SLC6A17: variants seen among roughly 807,000 people sequenced by gnomAD.
The protein encoded by SLC6A17 is solute carrier family 6 member 17.
SLC6A17 carries 21 observed loss-of-function variants against 64.5 expected under a neutral mutation model. The ratio of observed to expected loss-of-function variants is 0.33; its 90% CI spans 0.23 to 0.47. The LOEUF (loss-of-function observed/expected upper bound fraction) is 0.47. SLC6A17 is among the 20% of genes least tolerant of loss of function. The pLI, the probability that SLC6A17 is intolerant of heterozygous loss-of-function variation, is 1.00. For synonymous variants in SLC6A17, 372 were observed against 399.5 expected (o/e 0.93, Z 0.82); for missense variants, 682 against 963.2 (o/e 0.71, Z 3.86).
chr1:110,171,350 G>T (rs945563936), intron 2 of SLC6A17, among the ~76,000 whole-genome samples: 4 of 152,206 alleles, frequency 2.6e-5, no homozygotes, highest in Non-Finnish European at 4.4e-5. Flanking sequence ...CTGTCACTTG[G>T]AATTGAGATT....
rs1027821695 is a variant in SLC6A17, at chr1:110,201,192, C to T, written c.*2748C>T. ...GATCTCATAGCACTGCTGCATTTGC[C>T]GTTGACGCAGTCCTGACAGTGTTTG... is the stretch of plus-strand genomic sequence containing the variant. On this transcript the variant is annotated 3_prime_UTR_variant, in exon 12 of 12. Coordinates refer to ENST00000331565, the MANE Select transcript of SLC6A17 (RefSeq NM_001010898.4). 2 of 152,206 alleles carry T rather than the reference C, an allele frequency of 1.3e-5. No individual in the cohort carries two copies. The highest frequency in any genetic ancestry group is 6.5e-5 in the Admixed American group (1 of 15,290). The allele number at this position is 152,206 out of a possible 1,614,324, so 9.4% of individuals were successfully genotyped here.
chr1:110,176,503 G>A, intron 5 of SLC6A17, 126 bp from the exon 6 acceptor site: 1 of 866,160 alleles, frequency 1.2e-6, no homozygotes, highest in Non-Finnish European at 1.9e-6. Context: ...CTCTGCCCAG[G>A]GGTTCCAGGG....
rs530207264 is a variant in SLC6A17, at chr1:110,194,891, G to A, written c.1492+120G>A. ...CACCCAGAAGGCTCCACCCCACACT[G>A]GGACACAGCTGGAGCCTGGCTGTGC... On this transcript the variant is annotated intron_variant, in intron 9 of 11. Coordinates refer to ENST00000331565, the MANE Select transcript of SLC6A17 (RefSeq NM_001010898.4). 83 of 1,239,426 alleles carry A rather than the reference G, an allele frequency of 6.7e-5. No individual in the cohort carries two copies. In the African/African-American group the frequency reaches 1.1e-3, roughly 17 times the overall value. The allele number at this position is 1,239,426 out of a possible 1,614,324, so 76.8% of individuals were successfully genotyped here.
In SLC6A17 at chr1:110,192,564, C is replaced by G; in HGVS notation, c.1165C>G (p.Pro389Ala). Residue 389 changes from proline (P) to alanine (A), a missense_variant, in exon 8 of 12, where the codon CCA becomes GCA. By Grantham distance (27) the Pro-to-Ala change is conservative. Coordinates refer to ENST00000331565, the MANE Select transcript of SLC6A17 (RefSeq NM_001010898.4). This position sits in a 1 kb window ranked among gnomAD's most constrained non-coding sequence, Gnocchi z 4.3. ...CAACGTCCTGAGCCGGGACCTCATC[C>G]CACCCCACGTCAACTTCTCCCACCT... is the stretch of plus-strand genomic sequence containing the variant. ...NTNVLSRDLI[P>A]PHVNFSHLTT... 1 of 1,614,154 alleles carries G rather than the reference C, an allele frequency of 6.2e-7. No homozygotes were observed. The highest frequency in any genetic ancestry group is 8.5e-7 in the Non-Finnish European group (1 of 1,180,020).
At chr1:110,159,262 G>T (rs1655837037) in intron 1 of SLC6A17, among the ~76,000 whole-genome samples, 1 of 152,138 alleles carries the variant, frequency 6.6e-6, no homozygotes, top group Non-Finnish European at 1.5e-5. Context: ...AAGAGAGAAT[G>T]CATGGGTTGG....
rs1231940132 is a variant in SLC6A17, at chr1:110,201,030, G to T, written c.*2586G>T. 2 of 152,090 alleles carry T rather than the reference G, an allele frequency of 1.3e-5. No homozygotes were observed. Among genetic ancestry groups the T allele is most frequent in the Non-Finnish European group, 2.9e-5 (2 of 68,006 alleles). 9.4% of individuals were successfully genotyped at this position (152,090 alleles called of 1,614,324 possible). A position where few individuals can be genotyped will look rare whatever the true frequency, so the allele number is the denominator to read the frequency against. ...CACACCACTGGGTTTGCCAGAAACAGGGAAGGAGGGCGTTAAGGGAAAAAA... is the reference window on the plus strand; with the variant it reads ...CACACCACTGGGTTTGCCAGAAACATGGAAGGAGGGCGTTAAGGGAAAAAA... On this transcript the variant is annotated 3_prime_UTR_variant, in exon 12 of 12. Coordinates refer to ENST00000331565, the MANE Select transcript of SLC6A17 (RefSeq NM_001010898.4).
At chr1:110,152,616 G>T (rs1407721100) in intron 1 of SLC6A17, among the ~76,000 whole-genome samples, 1 of 152,106 alleles carries the variant, frequency 6.6e-6, no homozygotes, top group Non-Finnish European at 1.5e-5. Flanking sequence ...GCAGGGAGAT[G>T]GGGAGAGGTG....
intron 1 of SLC6A17, among the ~76,000 whole-genome samples, chr1:110,154,452 G>A (rs915180126): frequency 4.6e-5 from 7 of 152,086 alleles, no homozygotes; most frequent in African/African-American, 1.7e-4. Context: ...TTAGTGCCCC[G>A]GGAAAAGGGG....
At chr1:110,169,840 A>G (rs903974916) in intron 2 of SLC6A17, among the ~76,000 whole-genome samples, 2 of 152,242 alleles carry the variant, frequency 1.3e-5, no homozygotes, top group African/African-American at 4.8e-5. Context: ...ATTGCAACAA[A>G]GGTTGATATG....
chr1:110,165,768 A>G (rs1656033874), intron 1 of SLC6A17, among the ~76,000 whole-genome samples: 1 of 152,242 alleles, frequency 6.6e-6, no homozygotes, highest in African/African-American at 2.4e-5. Context: ...AACGGAGCCC[A>G]GCTTCCAGAG....
Position 110,166,941 on chromosome 1 carries a change from C to T in SLC6A17, c.12C>T (p.Asn4=), listed in dbSNP as rs1326655173. ...CCCAGGTGGCATCAATGCCGAAGAA[C>T]AGCAAAGTGACCCAGCGTGAGCACA... is the stretch of plus-strand genomic sequence containing the variant. MPK[N]SKVTQREHSS... The change falls in exon 2 of 12, where the codon AAC becomes AAT. Residue 4 remains asparagine (N), a synonymous_variant. Transcript: ENST00000331565. 5.0e-6 allele frequency: 8 copies of T among 1,608,462 alleles called. No homozygotes were observed. Among genetic ancestry groups the T allele is most frequent in the Non-Finnish European group, 6.8e-6 (8 of 1,175,806 alleles).
intron 3 of SLC6A17, 73 bp from the exon 4 acceptor site, chr1:110,173,900 G>GATAA: frequency 1.3e-6 from 2 of 1,544,046 alleles, no homozygotes; most frequent in Non-Finnish European, 1.7e-6. Flanking sequence ...GACGTGCTGG[G>GATAA]CCTCGGGTGG....
At position 110,161,101 on chromosome 1, in the gene SLC6A17, C is replaced by T. The variant is rs192190593; in HGVS notation, c.-87-5742C>T. The stretch of plus-strand genomic sequence containing the variant: ...GGCCAGCAGCATCCAGGGGCAGCAG[C>T]CTCCAAGTCAAGGCCAGGCCCTGTC... On this transcript the variant is annotated intron_variant, in intron 1 of 11. Transcript: ENST00000331565. 2.4e-3 allele frequency among the ~76,000 whole-genome samples: 369 copies of T among 152,276 alleles called. 1 individual carries two copies. Among genetic ancestry groups the T allele is most frequent in the East Asian group, 3.7e-3 (19 of 5,178 alleles).
rs964016758 is a variant in SLC6A17, at chr1:110,159,440, C to G, written c.-87-7403C>G. On this transcript the variant is annotated intron_variant, in intron 1 of 11. Transcript: ENST00000331565. Reference sequence around the variant, plus strand: ...ATCTGCCCCCTTTCCTGCTTCCCTTCCTTCTTGACAAAGAAAACAAGATAT... The same window carrying G: ...ATCTGCCCCCTTTCCTGCTTCCCTTGCTTCTTGACAAAGAAAACAAGATAT... Among the ~76,000 whole-genome samples, 3 of 152,326 alleles carry G rather than the reference C, an allele frequency of 2.0e-5. No homozygotes were observed. The East Asian group carries it at 5.8e-4, about 29-fold the overall frequency.
intron 1 of SLC6A17, among the ~76,000 whole-genome samples, chr1:110,152,665 A>T (rs1655640359): frequency 6.6e-6 from 1 of 152,146 alleles, no homozygotes; most frequent in South Asian, 2.1e-4. Context: ...TTGTGGTCAG[A>T]ACTGGGCCCA....
chr1:110,152,373 C>T (rs1044542051), intron 1 of SLC6A17, among the ~76,000 whole-genome samples: 2 of 152,216 alleles, frequency 1.3e-5, no homozygotes, highest in Admixed American at 6.5e-5. Context: ...TGCCCACCAG[C>T]TCTGATTGGA....
At chr1:110,152,737 A>C (rs1430523982) in intron 1 of SLC6A17, among the ~76,000 whole-genome samples, 1 of 152,176 alleles carries the variant, frequency 6.6e-6, no homozygotes, top group African/African-American at 2.4e-5. Flanking sequence ...GGAGTCTCAG[A>C]GTTTCCTCAG....
chr1:110,173,921 C>T, intron 3 of SLC6A17, 52 bp from the exon 4 acceptor site: 18 of 1,552,124 alleles, frequency 1.2e-5, no homozygotes, highest in Admixed American at 1.1e-4. Flanking sequence ...AGCGTGGGGG[C>T]AGGGTGGAGT....
intron 2 of SLC6A17, among the ~76,000 whole-genome samples, chr1:110,169,591 G>T (rs1656162768): frequency 6.6e-6 from 1 of 151,982 alleles, no homozygotes; most frequent in South Asian, 2.1e-4. Context: ...CTCGGGGTTT[G>T]CCAGAAGTAA....
Sources: gnomAD v4.1 joint callset for allele counts (sites outside exome capture counted in the v4.1 genomes callset) on GRCh38, gnomAD v4.1.1 for gene constraint, Gnocchi (gnomAD v3.1) non-coding constraint, MANE v1.5 for transcripts, NCBI Gene and HGNC (gene_info 2026-07-23, HGNC 2026-07-21) for gene names.